ZNF451: variants seen among roughly 807,000 people sequenced by gnomAD.
ZNF451 encodes zinc finger protein 451, also known as E3 SUMO-protein ligase ZNF451.
ZNF451 carries 80 observed loss-of-function variants against 107.1 expected under a neutral mutation model. That is an observed-to-expected ratio of 0.75 (90% CI 0.62 to 0.90). ZNF451 has a LOEUF of 0.90. ZNF451 is among the 40% of genes least tolerant of loss of function. The probability of loss-of-function intolerance (pLI) is 0.00; values close to 1 mark genes in which losing one functional copy is unlikely to be tolerated. For missense variants in ZNF451, 1,107 were observed against 1,236.2 expected, an observed-to-expected ratio of 0.90 and a Z score of 1.57; for synonymous variants, 362 against 406.5, an observed-to-expected ratio of 0.89 and a Z score of 1.32.
Position 57,161,111 on chromosome 6 carries a change from C to A in ZNF451, c.3098C>A (p.Ala1033Asp). ...TGTGACAGTGATGATAACATGGGTGCCAAAAATACTTCAATAGGAGAAGAA... is the reference window on the plus strand; with the variant it reads ...TGTGACAGTGATGATAACATGGGTGACAAAAATACTTCAATAGGAGAAGAA... Reference protein sequence around the residue: ...KECDSDDNMGAKNTSIGEEFI... With the variant: ...KECDSDDNMGDKNTSIGEEFI... The change falls in exon 14 of 15, where the codon GCC (alanine) becomes GAC (aspartate). Residue 1033 changes from alanine to aspartate, a missense_variant. Transcript: ENST00000370706. 1.3e-6 allele frequency: 2 copies of A among 1,560,948 alleles called. No individual in the cohort carries two copies. Among genetic ancestry groups the A allele is most frequent in the South Asian group, 1.2e-5 (1 of 81,488 alleles).
At chr6:57,095,674 T>G (rs1829261764) in intron 2 of ZNF451, among the ~76,000 whole-genome samples, 1 of 152,146 alleles carries the variant, frequency 6.6e-6, no homozygotes, top group Non-Finnish European at 1.5e-5. Flanking sequence ...TTTCTCTTAG[T>G]GTGAATCATA....
At chr6:57,161,197 A>G in intron 14 of ZNF451, 45 bp downstream of exon 14, 2 of 1,136,818 alleles carry the variant, frequency 1.8e-6, no homozygotes, top group Non-Finnish European at 1.2e-6. Context: ...CTGTATCTGT[A>G]TTTTTTTTTT....
chr6:57,135,002 T>C (rs1831364023), intron 7 of ZNF451, 132 bp downstream of exon 7: 2 of 742,988 alleles, frequency 2.7e-6, no homozygotes, highest in Non-Finnish European at 4.2e-6. Flanking sequence ...TAATTGTCAA[T>C]TGAAAATAAA....
chr6:57,121,448 T>C (rs1308287132), intron 3 of ZNF451, among the ~76,000 whole-genome samples: 1 of 152,190 alleles, frequency 6.6e-6, no homozygotes, highest in Non-Finnish European at 1.5e-5. Context: ...GCATTGAATA[T>C]ATAGATCAAG....
intron 3 of ZNF451, among the ~76,000 whole-genome samples, chr6:57,117,265 C>T (rs772210759): frequency 2.5e-4 from 37 of 150,614 alleles, no homozygotes; most frequent in Non-Finnish European, 4.6e-4. Context: ...ATCTGAAATG[C>T]TCCAAGGAAT....
At chr6:57,160,996 A>G (rs1356722754) in intron 13 of ZNF451, 88 bp from the exon 14 acceptor site, 1 of 785,666 alleles carries the variant, frequency 1.3e-6, no homozygotes, top group African/African-American at 1.8e-5. Flanking sequence ...ATAATGAGTA[A>G]GCTTGGGTAT....
At chr6:57,092,325 G>A (rs915374332) in intron 2 of ZNF451, among the ~76,000 whole-genome samples, 10 of 152,172 alleles carry the variant, frequency 6.6e-5, no homozygotes, top group African/African-American at 2.4e-4. Context: ...GTTTAAAGGA[G>A]TCTTTAAATT....
Position 57,124,417 on chromosome 6 carries a change from C to T in ZNF451, c.187-317C>T, listed in dbSNP as rs1375723155. The stretch of plus-strand genomic sequence containing the variant: ...GTTCTTTATTTACCTCTCTCTCTCT[C>T]TCCAATTTTAGGGGTCGGCGCTTTG... On this transcript the variant is annotated intron_variant, in intron 3 of 14. Coordinates refer to ENST00000370706, the MANE Select transcript of ZNF451 (RefSeq NM_001031623.3). 5.6e-6 allele frequency: 4 copies of T among 715,280 alleles called. No individual in the cohort carries two copies. The South Asian group carries it at 5.9e-5, about 11-fold the overall frequency. 44.3% of individuals were successfully genotyped at this position (715,280 alleles called of 1,614,324 possible).
At chr6:57,152,184 G>A (rs1299420069) in intron 11 of ZNF451, 37 bp from the exon 12 acceptor site, 9 of 1,579,252 alleles carry the variant, frequency 5.7e-6, no homozygotes, top group Non-Finnish European at 6.9e-6. Flanking sequence ...TTCCTCTCCT[G>A]TTTGATTATC....
intron 10 of ZNF451, 34 bp from the exon 11 acceptor site, chr6:57,150,685 T>G: frequency 6.4e-7 from 1 of 1,559,232 alleles, no homozygotes; most frequent in Non-Finnish European, 8.6e-7. Flanking sequence ...AGCAAATTCT[T>G]ACTGAACTCA....
intron 3 of ZNF451, chr6:57,107,358 A>G: frequency 1.0e-6 from 1 of 984,604 alleles, no homozygotes; most frequent in Non-Finnish European, 1.2e-6. Flanking sequence ...ATGTCTTTAA[A>G]GCATTATTAG....
At chr6:57,095,707 T>C (rs1213887725) in intron 2 of ZNF451, among the ~76,000 whole-genome samples, 2 of 152,174 alleles carry the variant, frequency 1.3e-5, no homozygotes. Flanking sequence ...TCTTCAGTAG[T>C]TGAAAAATGT....
intron 13 of ZNF451, among the ~76,000 whole-genome samples, chr6:57,156,982 T>C (rs1462112622): frequency 6.6e-6 from 1 of 152,232 alleles, no homozygotes; most frequent in Non-Finnish European, 1.5e-5. Context: ...CACCTCCTGC[T>C]GTGCGGCCCA....
At chr6:57,098,594 G>A (rs1176630941) in intron 2 of ZNF451, among the ~76,000 whole-genome samples, 1 of 152,192 alleles carries the variant, frequency 6.6e-6, no homozygotes, top group Non-Finnish European at 1.5e-5. Flanking sequence ...AGGCCTGGTT[G>A]ATGAAGAAAT....
chr6:57,139,621 C>G (rs1831652154), intron 7 of ZNF451, among the ~76,000 whole-genome samples: 1 of 152,134 alleles, frequency 6.6e-6, no homozygotes, highest in Non-Finnish European at 1.5e-5. Context: ...CAAGCACACA[C>G]AAATATACAT....
At position 57,154,035 on chromosome 6, in the gene ZNF451, G is replaced by A. The variant is rs1378339822; in HGVS notation, c.3058G>A (p.Asp1020Asn). 3 of 1,614,006 alleles carry A rather than the reference G, an allele frequency of 1.9e-6. No homozygotes were observed. The highest frequency in any genetic ancestry group is 1.7e-6 in the Non-Finnish European group (2 of 1,180,044). ...MMCALLNSIS[D>N]TTKECDSDDN... ...GTGTGCCTTGTTAAATAGCATATCTGATACCACCAAAGGTACGCAGCTGCA... is the reference window on the plus strand; with the variant it reads ...GTGTGCCTTGTTAAATAGCATATCTAATACCACCAAAGGTACGCAGCTGCA... The change falls in exon 13 of 15, where the codon GAT becomes AAT. Residue 1020 changes from aspartate (D) to asparagine (N), a missense_variant. Physicochemically the swap from Asp to Asn is conservative, Grantham distance 23. Around this residue, in one of 5 missense-constraint regions of ZNF451, gnomAD observed 151 missense variants for 173.3 expected, o/e 0.87. Transcript: ENST00000370706.
At chr6:57,140,032 TAAA>T (rs1831674307) in intron 7 of ZNF451, among the ~76,000 whole-genome samples, 1 of 151,326 alleles carries the variant, frequency 6.6e-6, no homozygotes. Context: ...CAAAAATAAA[TAAA>T]GAAGACTATA....
At chr6:57,141,240 T>A in intron 7 of ZNF451, 62 bp from the exon 8 acceptor site, 1 of 1,347,106 alleles carries the variant, frequency 7.4e-7, no homozygotes, top group South Asian at 2.1e-5. Flanking sequence ...TTTGAAAGTT[T>A]TTTTCAAGAA....
At chr6:57,106,170 A>C in intron 3 of ZNF451, 1 of 985,422 alleles carries the variant, frequency 1.0e-6, no homozygotes, top group African/African-American at 1.7e-5. Context: ...TTTGTCTGGT[A>C]AAATTGGATA....
Sources: allele counts gnomAD v4.1 joint callset (sites outside exome capture counted in the v4.1 genomes callset), GRCh38; gene constraint gnomAD v4.1.1; regional missense constraint gnomAD v4.1.1; transcripts MANE v1.5; gene names NCBI Gene and HGNC (gene_info 2026-07-23, HGNC 2026-07-21).